FBXO15: variants seen among roughly 807,000 people sequenced by gnomAD.
FBXO15 encodes the protein F-box only protein 15.
In FBXO15, 30 loss-of-function variants were observed where a neutral mutation model predicts 49.5. The ratio of observed to expected loss-of-function variants is 0.61; its 90% CI spans 0.45 to 0.82. FBXO15 has a LOEUF of 0.82. Ranked by LOEUF, FBXO15 falls within the 40% of genes least tolerant of loss-of-function variation. The pLI is 0.00. For missense variants in FBXO15, 591 were observed against 631.5 expected (o/e 0.94, Z 0.69); for synonymous variants, 250 against 232.7 (o/e 1.07, Z -0.68).
chr18:74,133,711 C>T (rs1303246348), intron 3 of FBXO15, among the ~76,000 whole-genome samples: 1 of 152,186 alleles, frequency 6.6e-6, no homozygotes, highest in East Asian at 1.9e-4. Context: ...CTGGTGAAGC[C>T]TCAGGAAGCT....
chr18:74,080,381 C>A (rs757365987), intron 9 of FBXO15, among the ~76,000 whole-genome samples: 1 of 152,216 alleles, frequency 6.6e-6, no homozygotes, highest in Non-Finnish European at 1.5e-5. Flanking sequence ...GGAGAAGGTA[C>A]AAGCTTTTGA....
chr18:74,089,395 T>A (rs543024569), intron 8 of FBXO15, among the ~76,000 whole-genome samples: 3 of 152,292 alleles, frequency 2.0e-5, no homozygotes, highest in Admixed American at 2.0e-4. Flanking sequence ...CAGGGATAAT[T>A]TGACTTCCTA....
chr18:74,103,041 A>G (rs1429312790), intron 8 of FBXO15, among the ~76,000 whole-genome samples: 1 of 152,076 alleles, frequency 6.6e-6, no homozygotes, highest in East Asian at 1.9e-4. Flanking sequence ...AAATTTCACA[A>G]ATCACCACTA....
At chr18:74,094,563 A>G (rs1368281884) in intron 8 of FBXO15, among the ~76,000 whole-genome samples, 1 of 152,246 alleles carries the variant, frequency 6.6e-6, no homozygotes, top group Non-Finnish European at 1.5e-5. Context: ...AGACTAATAC[A>G]GGAATCTTGC....
intron 3 of FBXO15, among the ~76,000 whole-genome samples, chr18:74,134,907 A>C (rs1978620509): frequency 1.3e-5 from 2 of 152,112 alleles, no homozygotes; most frequent in African/African-American, 4.8e-5. Flanking sequence ...CATCAGTTAA[A>C]ACCGGCATTC....
At chr18:74,111,503 C>T (rs920018543) in intron 8 of FBXO15, among the ~76,000 whole-genome samples, 3 of 151,920 alleles carry the variant, frequency 2.0e-5, no homozygotes, top group African/African-American at 7.2e-5. Context: ...GAAAACACAA[C>T]TTCACAAATT....
At chr18:74,121,604 C>T (rs1914474203) in intron 8 of FBXO15, among the ~76,000 whole-genome samples, 1 of 152,056 alleles carries the variant, frequency 6.6e-6, no homozygotes, top group Non-Finnish European at 1.5e-5. Flanking sequence ...TCTTCCTGAG[C>T]CAAAAAGCAA....
intron 8 of FBXO15, among the ~76,000 whole-genome samples, chr18:74,105,225 A>G (rs1913699916): frequency 6.6e-6 from 1 of 152,172 alleles, no homozygotes; most frequent in African/African-American, 2.4e-5. Flanking sequence ...GATAAAACCT[A>G]GTGTTAGACC....
At chr18:74,145,324 C>G (rs1979336908) in intron 1 of FBXO15, among the ~76,000 whole-genome samples, 2 of 150,374 alleles carry the variant, frequency 1.3e-5, no homozygotes, top group Admixed American at 1.3e-4. Flanking sequence ...AACGTCAAAG[C>G]TTATTTCTTG....
Position 74,140,237 on chromosome 18 carries a change from C to G in FBXO15, c.192G>C (p.Glu64Asp). The G allele has an allele frequency of 2.6e-6, 4 of 1,551,566 alleles. No homozygotes were observed. In the South Asian group the frequency reaches 4.8e-5, roughly 18 times the overall value. ...ACCCAGAACAGCAGGAGAAAGAGCT[C>G]TCCCAGTGCTGTCCACCTCCGGCAT... ...RCHAGGGQHW[E>D]SSFSCCSGFL... The change falls in exon 2 of 10, where the codon GAG becomes GAC. Residue 64 changes from glutamate to aspartate, a missense_variant. By Grantham distance (45) the Glu-to-Asp change is conservative. Coordinates refer to ENST00000419743, the MANE Select transcript of FBXO15 (RefSeq NM_001142958.2).
chr18:74,111,807 A>T (rs1007229105), intron 8 of FBXO15, among the ~76,000 whole-genome samples: 3 of 152,216 alleles, frequency 2.0e-5, no homozygotes, highest in African/African-American at 7.2e-5. Flanking sequence ...GTAAACTAAG[A>T]AAAAACAAGA....
chr18:74,082,025 G>A lies in FBXO15; in HGVS notation c.1165C>T (p.Leu389Phe), dbSNP rs755032180. ...RGNIENGHVK[L>F]IVIHLKNNRE... is the part of the protein sequence containing the mutation. ...TTATTTTTTAAATGTATAACAATGAGCTTCACATGTCCATTTTCAATATTT... is the reference window on the plus strand; with the variant it reads ...TTATTTTTTAAATGTATAACAATGAACTTCACATGTCCATTTTCAATATTT... The change falls in exon 9 of 10, where the codon CTC becomes TTC. Residue 389 changes from leucine (L) to phenylalanine (F), a missense_variant. By Grantham distance (22) the Leu-to-Phe change is conservative. Coordinates refer to ENST00000419743, the MANE Select transcript of FBXO15 (RefSeq NM_001142958.2). The A allele has an allele frequency of 6.8e-6, 11 of 1,611,700 alleles. No homozygotes were observed. The highest frequency in any genetic ancestry group is 2.7e-5 in the African/African-American group (2 of 74,834).
At chr18:74,147,611 G>A in intron 1 of FBXO15, 59 bp downstream of exon 1, 2 of 1,364,676 alleles carry the variant, frequency 1.5e-6, no homozygotes, top group Non-Finnish European at 1.9e-6. Flanking sequence ...TGAAGAGAGC[G>A]GGGCCGCGCA....
At chr18:74,119,299 G>C (rs948186988) in intron 8 of FBXO15, among the ~76,000 whole-genome samples, 2 of 152,184 alleles carry the variant, frequency 1.3e-5, no homozygotes, top group African/African-American at 2.4e-5. Context: ...AGGCCCAGAA[G>C]AGTCTATCTA....
At chr18:74,124,392 T>A (rs765507159) in intron 7 of FBXO15, 97 bp downstream of exon 7, 2 of 968,236 alleles carry the variant, frequency 2.1e-6, no homozygotes, top group Non-Finnish European at 3.2e-6. Flanking sequence ...AAACAGAATA[T>A]CTCTGCAGCT....
intron 8 of FBXO15, chr18:74,098,016 G>C (rs993768757): frequency 6.6e-6 from 1 of 152,422 alleles, no homozygotes; most frequent in Non-Finnish European, 1.5e-5. Context: ...ATCCAGAAGA[G>C]AGATAACAAT....
At chr18:74,104,731 TACA>T (rs986095069) in intron 8 of FBXO15, among the ~76,000 whole-genome samples, 1 of 152,088 alleles carries the variant, frequency 6.6e-6, no homozygotes. Context: ...GGCAAAAGGA[TACA>T]ACAATTATAA....
At chr18:74,120,580 C>A (rs1914429505) in intron 8 of FBXO15, among the ~76,000 whole-genome samples, 1 of 151,790 alleles carries the variant, frequency 6.6e-6, no homozygotes, top group Non-Finnish European at 1.5e-5. Flanking sequence ...ACCCATATAT[C>A]AAAGAAGAAA....
chr18:74,147,781 G>A lies in FBXO15; in HGVS notation c.5C>T (p.Ala2Val). M[A>V]TGRGRILQQH... ...CTGCAAGATCCGACCGCGTCCAGTC[G>A]CCATAGAGACAAGGAGTTCACCACA... The change falls in exon 1 of 10, where the codon GCG becomes GTG. Residue 2 changes from alanine to valine, a missense_variant. By Grantham distance (64) the Ala-to-Val change is moderately conservative. Transcript: ENST00000419743. 6.5e-7 allele frequency: 1 copy of A among 1,532,898 alleles called. No homozygotes were observed. Among genetic ancestry groups the A allele is most frequent in the Non-Finnish European group, 8.8e-7 (1 of 1,141,920 alleles). 95.0% of individuals were successfully genotyped at this position (1,532,898 alleles called of 1,614,324 possible). A position where few individuals can be genotyped will look rare whatever the true frequency, so the allele number is the denominator to read the frequency against.
Sources: allele counts gnomAD v4.1 joint callset (sites outside exome capture counted in the v4.1 genomes callset), GRCh38; gene constraint gnomAD v4.1.1; transcripts MANE v1.5; gene names NCBI Gene and HGNC (gene_info 2026-07-23, HGNC 2026-07-21).